Variants in SVIL observed in about 807,000 individuals in gnomAD.
SVIL encodes the protein supervillin.
A neutral mutation model predicts 240.4 loss-of-function variants in SVIL; 101 were observed. The observed-to-expected ratio is 0.42, with a 90% CI of 0.36 to 0.50. SVIL has a LOEUF of 0.50. SVIL is among the 20% of genes least tolerant of loss of function. The probability of loss-of-function intolerance (pLI) is 0.01; values close to 1 mark genes in which losing one functional copy is unlikely to be tolerated. For missense variants in SVIL, 2,512 were observed against 2,818.7 expected, an observed-to-expected ratio of 0.89 and a Z score of 2.46; for synonymous variants, 999 against 1,100.0, an observed-to-expected ratio of 0.91 and a Z score of 1.82.
At chr10:29,699,167 T>C (rs921130365) in intron 1 of SVIL, among the ~76,000 whole-genome samples, 1 of 152,174 alleles carries the variant, frequency 6.6e-6, no homozygotes, top group African/African-American at 2.4e-5. Flanking sequence ...TCTTGCTCTG[T>C]TGCCCAGGCT....
intron 2 of SVIL, among the ~76,000 whole-genome samples, chr10:29,669,086 A>C (rs1436431913): frequency 6.6e-6 from 1 of 152,218 alleles, no homozygotes; most frequent in Non-Finnish European, 1.5e-5. Flanking sequence ...TTGATCCCTA[A>C]GAGACTGAAT....
intron 1 of SVIL, among the ~76,000 whole-genome samples, chr10:29,598,995 C>T (rs967245468): frequency 2.0e-5 from 3 of 152,188 alleles, no homozygotes; most frequent in Admixed American, 6.5e-5. Flanking sequence ...CTGCCTTGGG[C>T]ATCTTTCAGA....
At chr10:29,535,492 G>A (rs1951680097) in intron 7 of SVIL, among the ~76,000 whole-genome samples, 1 of 152,146 alleles carries the variant, frequency 6.6e-6, no homozygotes, top group African/African-American at 2.4e-5. Flanking sequence ...TGAAATGATA[G>A]GGGGTTTTGT....
chr10:29,545,210 T>C, intron 6 of SVIL: 4 of 437,188 alleles, frequency 9.1e-6, no homozygotes, highest in South Asian at 4.9e-5. Context: ...GCAAATGCAA[T>C]CAGAAATAAA....
rs1465740627 is a variant in SVIL at position 29,532,128 on chromosome 10, G to C, written c.1883C>G (p.Thr628Ser). 1 of 1,613,986 alleles carries C rather than the reference G, an allele frequency of 6.2e-7. No homozygotes were observed. Among genetic ancestry groups the C allele is most frequent in the African/African-American group, 1.3e-5 (1 of 75,032 alleles). Reference sequence around the variant, plus strand: ...GGACCCTCTCTCCCGTTCCACACCGGTGGGCAAGCCAGGTCCTTCAGCCGA... The same window carrying C: ...GGACCCTCTCTCCCGTTCCACACCGCTGGGCAAGCCAGGTCCTTCAGCCGA... ...ERSAEGPGLPTGVERERGSRK... is the reference protein window; with the variant it reads ...ERSAEGPGLPSGVERERGSRK... Residue 628 changes from threonine to serine, a missense_variant, in exon 9 of 38, where the codon ACC becomes AGC. Coordinates refer to ENST00000355867, the MANE Select transcript of SVIL (RefSeq NM_021738.3).
At position 29,530,626 on chromosome 10, in the gene SVIL, G is replaced by T; in HGVS notation, c.2087C>A (p.Ala696Asp). The T allele has an allele frequency of 1.9e-6, 3 of 1,614,108 alleles. No homozygotes were observed. Among genetic ancestry groups the T allele is most frequent in the Non-Finnish European group, 2.5e-6 (3 of 1,180,006 alleles). The change falls in exon 11 of 38, where the codon GCC becomes GAC. Residue 696 changes from alanine to aspartate, a missense_variant. Physicochemically the swap from Ala to Asp is moderately radical, Grantham distance 126. Transcript: ENST00000355867. Reference protein sequence around the residue: ...VDERAKLSVAAKRLLFREMEK... With the variant: ...VDERAKLSVADKRLLFREMEK... ...GCTTACCCTGAAAAGCAACCTCTTGGCGGCGACGCTCAGCTTGGCTCGTTC... is the reference window on the plus strand; with the variant it reads ...GCTTACCCTGAAAAGCAACCTCTTGTCGGCGACGCTCAGCTTGGCTCGTTC...
At chr10:29,560,869 C>T (rs558743898) in intron 3 of SVIL, among the ~76,000 whole-genome samples, 1 of 135,802 alleles carries the variant, frequency 7.4e-6, no homozygotes, top group Non-Finnish European at 1.6e-5. Flanking sequence ...GACAGAGTCT[C>T]GCTCTGTCAC....
chr10:29,588,715 C>T (rs1956268118), intron 1 of SVIL, among the ~76,000 whole-genome samples: 2 of 152,198 alleles, frequency 1.3e-5, no homozygotes, highest in South Asian at 4.1e-4. Flanking sequence ...CAAAAGCTGC[C>T]TGCCTTTTGT....
chr10:29,644,848 A>G (rs746089824), intron 3 of SVIL, among the ~76,000 whole-genome samples: 2 of 152,076 alleles, frequency 1.3e-5, no homozygotes, highest in Non-Finnish European at 2.9e-5. Context: ...AGGGGCTACA[A>G]GACTGAGGAG....
chr10:29,475,979 G>A (rs545569047), intron 29 of SVIL, among the ~76,000 whole-genome samples: 1 of 152,130 alleles, frequency 6.6e-6, no homozygotes, highest in Non-Finnish European at 1.5e-5. Flanking sequence ...CATAGGTTTC[G>A]TAAATGATTC....
At chr10:29,660,926 T>C (rs1363816789) in intron 2 of SVIL, among the ~76,000 whole-genome samples, 1 of 151,050 alleles carries the variant, frequency 6.6e-6, no homozygotes, top group Non-Finnish European at 1.5e-5. Flanking sequence ...CCCAGCACTC[T>C]GCGAGGCTGA....
chr10:29,696,597 C>T (rs1038520706), intron 1 of SVIL, among the ~76,000 whole-genome samples: 34 of 150,326 alleles, frequency 2.3e-4, no homozygotes, highest in African/African-American at 6.8e-4. Context: ...AGCGCCTCTG[C>T]CCCGCCGCCC....
intron 16 of SVIL, among the ~76,000 whole-genome samples, chr10:29,520,565 AG>A (rs1286313782): frequency 6.6e-6 from 1 of 152,244 alleles, no homozygotes; most frequent in Non-Finnish European, 1.5e-5. Flanking sequence ...CAGTTGAAAA[AG>A]ATAGCATCTA....
intron 3 of SVIL, among the ~76,000 whole-genome samples, chr10:29,654,242 T>C (rs1182091151): frequency 1.3e-5 from 2 of 152,214 alleles, no homozygotes; most frequent in African/African-American, 4.8e-5. Flanking sequence ...TTTTAAGGTA[T>C]ATGTTTTACA....
rs555409062 is a variant in SVIL at position 29,580,726 on chromosome 10, G to A, written c.-200-11414C>T. On this transcript the variant is annotated intron_variant, in intron 1 of 37. Transcript: ENST00000355867. ...CTGTTGCCCAGGCTGGAGTGCAGTG[G>A]TACAAACACGGCTCATTGCAGCCTC... 3.9e-5 allele frequency among the ~76,000 whole-genome samples: 6 copies of A among 152,230 alleles called. No homozygotes were observed. The East Asian group carries it at 1.2e-3, about 29-fold the overall frequency.
Position 29,674,186 on chromosome 10 carries a change from T to A in SVIL, c.-301+12367A>T, listed in dbSNP as rs555059986. Among the ~76,000 whole-genome samples the A allele has an allele frequency of 4.6e-5, 7 of 152,002 alleles. No individual in the cohort carries two copies. In the South Asian group the frequency reaches 1.2e-3, roughly 27 times the overall value. On this transcript the variant is annotated intron_variant, in intron 2 of 35. Transcript: ENST00000375400. ...TTTCTACAAAAAAAAAATTAAAAAA[T>A]TAGCCAGACGTGGTGGTGTGCACCT... is the stretch of plus-strand genomic sequence containing the variant.
chr10:29,715,433 C>A (rs1028834152), intron 1 of SVIL, among the ~76,000 whole-genome samples: 5 of 152,208 alleles, frequency 3.3e-5, no homozygotes, highest in Admixed American at 2.6e-4. Flanking sequence ...CCTTCCAGAA[C>A]AATGAGAATG....
chr10:29,459,568 G>GA (rs1943990475), intron 36 of SVIL, among the ~76,000 whole-genome samples: 1 of 152,100 alleles, frequency 6.6e-6, no homozygotes, highest in African/African-American at 2.4e-5. Context: ...ATCTGCAATA[G>GA]AAAAAGAAGG....
rs1951403181 is a variant in SVIL, at chr10:29,531,988, A to C, written c.2009+14T>G. On this transcript the variant is annotated intron_variant, in intron 9 of 37. Transcript: ENST00000355867. ...ACGTTCCTGGATGAGGAAACTGCGC[A>C]TACGCATGCCTACCTATCCGATTCC... 1 of 1,613,980 alleles carries C rather than the reference A, an allele frequency of 6.2e-7. No homozygotes were observed. The highest frequency in any genetic ancestry group is 8.5e-7 in the Non-Finnish European group (1 of 1,179,868).
Sources: gnomAD v4.1 joint callset for allele counts (sites outside exome capture counted in the v4.1 genomes callset) on GRCh38, gnomAD v4.1.1 for gene constraint, MANE v1.5 for transcripts, NCBI Gene and HGNC (gene_info 2026-07-23, HGNC 2026-07-21) for gene names.